The following KCNT2 variants were observed in gnomAD, a reference collection of about 807,000 sequenced individuals.
The protein encoded by KCNT2 is potassium sodium-activated channel subfamily T member 2.
KCNT2 carries 67 observed loss-of-function variants against 153.8 expected under a neutral mutation model. The ratio of observed to expected loss-of-function variants is 0.44; its 90% CI spans 0.36 to 0.53. The LOEUF (loss-of-function observed/expected upper bound fraction) is 0.53, where lower values mean the gene tolerates loss of function less well. Among genes scored for constraint, KCNT2 ranks in the 20% least tolerant of loss-of-function variants. The probability of loss-of-function intolerance (pLI) is 0.00; values close to 1 mark genes in which losing one functional copy is unlikely to be tolerated. For missense variants in KCNT2, 975 were observed against 1,354.8 expected, an observed-to-expected ratio of 0.72 and a Z score of 4.40; for synonymous variants, 500 against 458.8, an observed-to-expected ratio of 1.09 and a Z score of -1.15.
At chr1:196,507,605 C>G (rs150564834) in intron 1 of KCNT2, among the ~76,000 whole-genome samples, 1 of 151,986 alleles carries the variant, frequency 6.6e-6, no homozygotes, top group Admixed American at 6.6e-5. Context: ...AACAAAAGCT[C>G]CTGGACCAGT....
At chr1:196,467,856 A>T in intron 6 of KCNT2, 70 bp from the exon 7 acceptor site, 1 of 794,988 alleles carries the variant, frequency 1.3e-6, no homozygotes, top group East Asian at 2.6e-5. Context: ...TATACTAAAA[A>T]GAAATGGAAA....
rs187537778 is a variant in KCNT2 at position 196,340,374 on chromosome 1, T to G, written c.1750A>C (p.Arg584=). The G allele has an allele frequency of 3.7e-6, 6 of 1,610,858 alleles. No homozygotes were observed. The highest frequency in any genetic ancestry group is 2.2e-5 in the East Asian group (1 of 44,736). The change falls in exon 16 of 28, where the codon AGA becomes CGA. Residue 584 remains arginine, a synonymous_variant. Coordinates refer to ENST00000294725, the MANE Select transcript of KCNT2 (RefSeq NM_198503.5). The part of the protein sequence containing the change: ...VSRSFYHGPS[R]LPVHSIIASM... ...GCAATTATGCTATGTACAGGTAATC[T>G]GGAAGGTCCATGATAAAACGACCTG...
At chr1:196,266,864 A>C (rs891208228) in intron 25 of KCNT2, among the ~76,000 whole-genome samples, 1 of 152,204 alleles carries the variant, frequency 6.6e-6, no homozygotes, top group African/African-American at 2.4e-5. Context: ...TCATAAAGTC[A>C]TAAGGATTTG....
chr1:196,498,689 C>A (rs1680444176), intron 1 of KCNT2, among the ~76,000 whole-genome samples: 1 of 152,150 alleles, frequency 6.6e-6, no homozygotes, highest in Admixed American at 6.5e-5. Flanking sequence ...GGAGTTATTT[C>A]TGTGCTTCTA....
chr1:196,517,174 G>A (rs1204129266), intron 1 of KCNT2, among the ~76,000 whole-genome samples: 1 of 152,164 alleles, frequency 6.6e-6, no homozygotes, highest in Non-Finnish European at 1.5e-5. Context: ...GTGGTCAGAC[G>A]GTATTCCATG....
intron 21 of KCNT2, among the ~76,000 whole-genome samples, chr1:196,311,876 A>G (rs1001569200): frequency 6.6e-6 from 1 of 151,848 alleles, no homozygotes; most frequent in Non-Finnish European, 1.5e-5. Flanking sequence ...ATTTTGGTAG[A>G]TCAATTTGAC....
intron 8 of KCNT2, among the ~76,000 whole-genome samples, chr1:196,438,451 T>C (rs1448622437): frequency 2.0e-5 from 3 of 151,790 alleles, no homozygotes; most frequent in African/African-American, 4.8e-5. Context: ...CCAAGGGTTA[T>C]GGAAGTGGAA....
In KCNT2 at chr1:196,382,703, C is replaced by A. The variant is rs189771252; in HGVS notation, c.1295-9455G>T. Among the ~76,000 whole-genome samples, 1,309 of 151,746 alleles carry A rather than the reference C, an allele frequency of 8.6e-3. 16 individuals carry two copies. Among genetic ancestry groups the A allele is most frequent in the African/African-American group, 0.03 (1,255 of 41,348 alleles). ...AAATTAACATTTGGAAAATAAGTTG[C>A]AAAATTTAAGGAAGTTTTCATGTAT... is the stretch of plus-strand genomic sequence containing the variant. On this transcript the variant is annotated intron_variant, in intron 13 of 27. Coordinates refer to ENST00000294725, the MANE Select transcript of KCNT2 (RefSeq NM_198503.5).
chr1:196,329,783 A>T (rs1664257770), intron 18 of KCNT2, among the ~76,000 whole-genome samples: 1 of 148,142 alleles, frequency 6.8e-6, no homozygotes, highest in Admixed American at 6.8e-5. Context: ...ATACACATAT[A>T]TATGTGTATA....
intron 13 of KCNT2, among the ~76,000 whole-genome samples, chr1:196,390,887 A>G (rs1489228711): frequency 4.5e-5 from 5 of 111,748 alleles, no homozygotes; most frequent in African/African-American, 1.8e-4. Context: ...GATCTCATTC[A>G]TTCTTTTTTT....
At chr1:196,513,780 C>CTATA (rs1185263377) in intron 1 of KCNT2, among the ~76,000 whole-genome samples, 1 of 152,122 alleles carries the variant, frequency 6.6e-6, no homozygotes, top group South Asian at 2.1e-4. Flanking sequence ...TTTTAATGAT[C>CTATA]TATATCCTCC....
At chr1:196,341,070 GA>G (rs201600509) in intron 15 of KCNT2, among the ~76,000 whole-genome samples, 130 of 149,978 alleles carry the variant, frequency 8.7e-4, no homozygotes, top group Admixed American at 3.5e-3. Flanking sequence ...TACTTAGTCA[GA>G]AAAAAAAAGT....
intron 22 of KCNT2, among the ~76,000 whole-genome samples, chr1:196,302,664 G>C (rs1444909035): frequency 6.6e-6 from 1 of 151,346 alleles, no homozygotes; most frequent in Non-Finnish European, 1.5e-5. Context: ...CCACACTATG[G>C]TCTCCTTTGA....
chr1:196,396,335 C>G (rs1337966551), intron 13 of KCNT2, among the ~76,000 whole-genome samples: 1 of 151,548 alleles, frequency 6.6e-6, no homozygotes, highest in Admixed American at 6.6e-5. Flanking sequence ...ACAAAGCAAA[C>G]CTTATATACA....
At chr1:196,255,799 T>C (rs943149611) in intron 26 of KCNT2, among the ~76,000 whole-genome samples, 22 of 152,070 alleles carry the variant, frequency 1.4e-4, no homozygotes, top group African/African-American at 5.3e-4. Flanking sequence ...TGTATTCTAA[T>C]GCAGAATCTT....
intron 25 of KCNT2, among the ~76,000 whole-genome samples, chr1:196,262,167 A>C (rs1657087904): frequency 6.6e-6 from 1 of 151,952 alleles, no homozygotes; most frequent in Admixed American, 6.6e-5. Flanking sequence ...TGTCAGATAC[A>C]CTAAATACAT....
intron 12 of KCNT2, among the ~76,000 whole-genome samples, chr1:196,401,863 A>T (rs1264972960): frequency 3.3e-5 from 5 of 151,616 alleles, no homozygotes; most frequent in African/African-American, 1.2e-4. Flanking sequence ...CTATATAAAC[A>T]AAAAGATAAC....
At chr1:196,329,546 T>TA (rs1374873738) in intron 18 of KCNT2, among the ~76,000 whole-genome samples, 1 of 151,878 alleles carries the variant, frequency 6.6e-6, no homozygotes. Flanking sequence ...TTTAAAGAAA[T>TA]AAAAACCAGA....
intron 1 of KCNT2, among the ~76,000 whole-genome samples, chr1:196,560,505 AG>A (rs1379636137): frequency 6.6e-6 from 1 of 151,902 alleles, no homozygotes. Context: ...AAAGCTAAGT[AG>A]GCTTTTTGTC....
Sources: gnomAD v4.1 joint callset for allele counts (sites outside exome capture counted in the v4.1 genomes callset) on GRCh38, gnomAD v4.1.1 for gene constraint, MANE v1.5 for transcripts, NCBI Gene and HGNC (gene_info 2026-07-23, HGNC 2026-07-21) for gene names.